PDZRN4: variants seen among roughly 807,000 people sequenced by gnomAD.
PDZRN4 encodes PDZ domain containing ring finger 4.
A neutral mutation model predicts 99.0 loss-of-function variants in PDZRN4; 70 were observed. The ratio of observed to expected loss-of-function variants is 0.71; its 90% CI spans 0.58 to 0.86. PDZRN4 has a LOEUF of 0.86. PDZRN4 is among the 40% of genes least tolerant of loss of function. PDZRN4 has a pLI of 0.00. For synonymous variants in PDZRN4, 551 were observed against 501.6 expected, an observed-to-expected ratio of 1.10 and a Z score of -1.32; for missense variants, 1,474 against 1,331.2, an observed-to-expected ratio of 1.11 and a Z score of -1.67.
At chr12:41,564,765 G>A (rs1256501648) in intron 8 of PDZRN4, among the ~76,000 whole-genome samples, 1 of 151,988 alleles carries the variant, frequency 6.6e-6, no homozygotes, top group Non-Finnish European at 1.5e-5. Context: ...ATGTGGGAGT[G>A]AATTTTTAAA....
In PDZRN4 at chr12:41,532,336, T is replaced by C. The variant is rs74519416; in HGVS notation, c.1204-20320T>C. ...TAAATTGTTATATCTTTATAAGAAGTCTTGGTAGCTGGCTGACTAATCCTG... is the reference window on the plus strand; with the variant it reads ...TAAATTGTTATATCTTTATAAGAAGCCTTGGTAGCTGGCTGACTAATCCTG... On this transcript the variant is annotated intron_variant, in intron 5 of 9. Transcript: ENST00000402685. 2.5e-3 allele frequency among the ~76,000 whole-genome samples: 376 copies of C among 152,304 alleles called. 4 individuals carry two copies. Among genetic ancestry groups the C allele is most frequent in the East Asian group, 0.013 (68 of 5,186 alleles).
intron 3 of PDZRN4, among the ~76,000 whole-genome samples, chr12:41,202,428 CA>C (rs1950823150): frequency 6.6e-6 from 1 of 152,012 alleles, no homozygotes; most frequent in East Asian, 1.9e-4. Context: ...TTCTAAAAAT[CA>C]TTATTCTTCC....
intron 3 of PDZRN4, among the ~76,000 whole-genome samples, chr12:41,287,155 A>AAGTTTTTATAT (rs1255447666): frequency 6.6e-6 from 1 of 152,200 alleles, no homozygotes; most frequent in Non-Finnish European, 1.5e-5. Flanking sequence ...CTGCAATTTA[A>AAGTTTTTATAT]ACTCCAGAAA....
At chr12:41,297,847 G>T (rs553015250) in intron 3 of PDZRN4, among the ~76,000 whole-genome samples, 49 of 152,218 alleles carry the variant, frequency 3.2e-4, no homozygotes, top group African/African-American at 1.1e-3. Context: ...GGCTAAAAAA[G>T]AAAATGTGAT....
At chr12:41,207,713 C>T (rs112170827) in intron 3 of PDZRN4, among the ~76,000 whole-genome samples, 3,632 of 151,808 alleles carry the variant, frequency 0.024, 104 homozygotes, top group African/African-American at 0.071. Flanking sequence ...CTATGTGTAA[C>T]AAACACATTG....
chr12:41,424,616 T>C (rs77035095), intron 3 of PDZRN4, among the ~76,000 whole-genome samples: 2 of 151,242 alleles, frequency 1.3e-5, no homozygotes, highest in African/African-American at 4.9e-5. Flanking sequence ...CAGAAGTGTT[T>C]ACTTTGAGTC....
At chr12:41,274,137 A>C (rs928758211) in intron 3 of PDZRN4, among the ~76,000 whole-genome samples, 19 of 152,118 alleles carry the variant, frequency 1.2e-4, no homozygotes, top group Non-Finnish European at 5.9e-5. Context: ...TGGTAGAATA[A>C]ATTGTAGCCA....
intron 5 of PDZRN4, among the ~76,000 whole-genome samples, chr12:41,525,360 C>A (rs1243245044): frequency 2.0e-5 from 3 of 152,150 alleles, no homozygotes; most frequent in Non-Finnish European, 4.4e-5. Context: ...CTGCTTAGTA[C>A]TTGTGAGACG....
At chr12:41,518,596 A>T (rs1409306423) in intron 5 of PDZRN4, among the ~76,000 whole-genome samples, 1 of 152,136 alleles carries the variant, frequency 6.6e-6, no homozygotes, top group Non-Finnish European at 1.5e-5. Flanking sequence ...ATTTATTAAA[A>T]AATTGCTTTC....
At chr12:41,212,723 G>A (rs2120701893) in intron 3 of PDZRN4, among the ~76,000 whole-genome samples, 1 of 152,042 alleles carries the variant, frequency 6.6e-6, no homozygotes, top group East Asian at 1.9e-4. Flanking sequence ...TGTTGTTTGG[G>A]GAAATATTGG....
chr12:41,507,196 G>C (rs1055092930), intron 4 of PDZRN4, among the ~76,000 whole-genome samples: 4 of 152,066 alleles, frequency 2.6e-5, no homozygotes, highest in African/African-American at 9.7e-5. Context: ...GCAATTCTCT[G>C]ACGAAAGCAC....
chr12:41,401,029 C>T (rs1952285510), intron 3 of PDZRN4, among the ~76,000 whole-genome samples: 1 of 152,114 alleles, frequency 6.6e-6, no homozygotes, highest in Admixed American at 6.6e-5. Context: ...AAAATTCTTT[C>T]TCATTACTTA....
intron 3 of PDZRN4, among the ~76,000 whole-genome samples, chr12:41,403,186 C>G (rs74077585): frequency 0.067 from 10,139 of 152,136 alleles, 840 homozygotes; most frequent in East Asian, 0.19. Flanking sequence ...TGATTCCCCC[C>G]ACACATTTAA....
chr12:41,354,669 A>T (rs577287300), intron 3 of PDZRN4, among the ~76,000 whole-genome samples: 1 of 152,128 alleles, frequency 6.6e-6, no homozygotes, highest in Admixed American at 6.6e-5. Flanking sequence ...AGAAGTGAGG[A>T]AGGCTATCAT....
chr12:41,248,529 C>T (rs1185574537), intron 3 of PDZRN4, among the ~76,000 whole-genome samples: 1 of 152,124 alleles, frequency 6.6e-6, no homozygotes, highest in Non-Finnish European at 1.5e-5. Context: ...CAAGATTTTA[C>T]CCTCCTACTC....
At chr12:41,283,194 C>T (rs1026819083) in intron 3 of PDZRN4, among the ~76,000 whole-genome samples, 2 of 152,164 alleles carry the variant, frequency 1.3e-5, no homozygotes, top group East Asian at 1.9e-4. Context: ...GACCACTGTT[C>T]CCACAGAAAT....
chr12:41,202,264 T>C (rs1950821771), intron 3 of PDZRN4, among the ~76,000 whole-genome samples: 1 of 152,070 alleles, frequency 6.6e-6, no homozygotes. Context: ...TGAGGCATTC[T>C]GAAGAAGCTT....
At chr12:41,461,944 A>G (rs1485351826) in intron 3 of PDZRN4, among the ~76,000 whole-genome samples, 1 of 152,126 alleles carries the variant, frequency 6.6e-6, no homozygotes, top group Non-Finnish European at 1.5e-5. Context: ...ATGCTTGCAC[A>G]TAGTAGGTGT....
intron 3 of PDZRN4, among the ~76,000 whole-genome samples, chr12:41,416,659 A>G (rs1210106319): frequency 6.6e-6 from 1 of 152,200 alleles, no homozygotes; most frequent in African/African-American, 2.4e-5. Context: ...CTCCATCTAA[A>G]GAAAAAAAGA....
Sources: gnomAD v4.1 joint callset for allele counts (sites outside exome capture counted in the v4.1 genomes callset) on GRCh38, gnomAD v4.1.1 for gene constraint, MANE v1.5 for transcripts, NCBI Gene and HGNC (gene_info 2026-07-23, HGNC 2026-07-21) for gene names.